Variants in AGAP1 observed in about 807,000 individuals in gnomAD.
AGAP1 encodes the protein ArfGAP with GTPase domain, ankyrin repeat and PH domain 1.
AGAP1 carries 29 observed loss-of-function variants against 105.3 expected under a neutral mutation model. That is an observed-to-expected ratio of 0.28 (90% CI 0.21 to 0.38). The LOEUF (loss-of-function observed/expected upper bound fraction) is 0.38. Among genes scored for constraint, AGAP1 ranks in the 10% least tolerant of loss-of-function variants. AGAP1 has a pLI of 1.00. For synonymous variants in AGAP1, 509 were observed against 485.9 expected, an observed-to-expected ratio of 1.05 and a Z score of -0.63; for missense variants, 998 against 1,165.1, an observed-to-expected ratio of 0.86 and a Z score of 2.09.
intron 16 of AGAP1, among the ~76,000 whole-genome samples, chr2:236,098,179 C>T (rs910297961): frequency 2.6e-5 from 4 of 152,140 alleles, no homozygotes; most frequent in South Asian, 2.1e-4. Flanking sequence ...TCCCTGCTTT[C>T]GATTCTTTTG....
intron 6 of AGAP1, among the ~76,000 whole-genome samples, chr2:235,784,089 AT>A (rs907087530): frequency 3.9e-5 from 6 of 152,014 alleles, no homozygotes; most frequent in Admixed American, 2.6e-4. Flanking sequence ...TCGCTTTCAA[AT>A]TTTTTTTGTA....
At chr2:235,978,940 G>A (rs1444430816) in intron 13 of AGAP1, among the ~76,000 whole-genome samples, 5 of 152,150 alleles carry the variant, frequency 3.3e-5, no homozygotes, top group Admixed American at 3.3e-4. Context: ...CACTGCTTCA[G>A]CTGCTTTGCA....
intron 3 of AGAP1, among the ~76,000 whole-genome samples, chr2:235,722,924 C>T (rs1951461176): frequency 6.6e-6 from 1 of 151,906 alleles, no homozygotes; most frequent in African/African-American, 2.4e-5. Flanking sequence ...ACACTAAAAA[C>T]TCATGTGTTA....
rs1947976956 is a variant in AGAP1 at position 235,662,102 on chromosome 2, G to T, written c.164-47077G>T. Among the ~76,000 whole-genome samples the T allele has an allele frequency of 6.6e-6, 1 of 152,284 alleles. No individual in the cohort carries two copies. Among genetic ancestry groups the T allele is most frequent in the South Asian group, 2.1e-4 (1 of 4,820 alleles). On this transcript the variant is annotated intron_variant, in intron 1 of 17. Coordinates refer to ENST00000304032, the MANE Select transcript of AGAP1 (RefSeq NM_001037131.3). This position sits in a 1 kb window ranked among gnomAD's most constrained non-coding sequence, Gnocchi z 4.2. ...GAAAAGACCATGGCGCTGAGGAGGCGGCACGGCCTGGCCCTCCACCTCCAA... is the reference window on the plus strand; with the variant it reads ...GAAAAGACCATGGCGCTGAGGAGGCTGCACGGCCTGGCCCTCCACCTCCAA...
chr2:235,789,718 A>G lies in AGAP1; in HGVS notation c.674-8041A>G, dbSNP rs967146015. Reference sequence around the variant, plus strand: ...ACTTTGATATACGCAAGGTAAGTCAACAAAGGATTACCACCCACCGAACCC... The same window carrying G: ...ACTTTGATATACGCAAGGTAAGTCAGCAAAGGATTACCACCCACCGAACCC... On this transcript the variant is annotated intron_variant, in intron 6 of 17. Coordinates refer to ENST00000304032, the MANE Select transcript of AGAP1 (RefSeq NM_001037131.3). This position sits in a 1 kb window ranked among gnomAD's most constrained non-coding sequence, Gnocchi z 4.2. 1.3e-5 allele frequency among the ~76,000 whole-genome samples: 2 copies of G among 152,206 alleles called. No individual in the cohort carries two copies.
Position 236,036,700 on chromosome 2 carries a change from G to C in AGAP1, c.1785G>C (p.Glu595Asp). ...TCCTGGCCAGCCTGCAGTCGTGCGA[G>C]AGCAGCAAGAACAAGGTGAGGCCCC... ...SQILASLQSC[E>D]SSKNKSRLTS... is the part of the protein sequence containing the mutation. The change falls in exon 14 of 18, where the codon GAG becomes GAC. Residue 595 changes from glutamate to aspartate, a missense_variant. Transcript: ENST00000304032. The surrounding 1 kb of genome is among the most constrained non-coding windows in gnomAD (Gnocchi z 5.7). The C allele has an allele frequency of 6.2e-7, 1 of 1,614,216 alleles. No homozygotes were observed. The highest frequency in any genetic ancestry group is 8.5e-7 in the Non-Finnish European group (1 of 1,180,050).
chr2:235,930,998 C>A lies in AGAP1; in HGVS notation c.1483+75C>A. The A allele has an allele frequency of 6.6e-7, 1 of 1,523,284 alleles. No homozygotes were observed. 94.4% of individuals were successfully genotyped at this position (1,523,284 alleles called of 1,614,324 possible). On this transcript the variant is annotated intron_variant, in intron 12 of 17. Coordinates refer to ENST00000304032, the MANE Select transcript of AGAP1 (RefSeq NM_001037131.3). This position sits in a 1 kb window ranked among gnomAD's most constrained non-coding sequence, Gnocchi z 7.9. The stretch of plus-strand genomic sequence containing the variant: ...GTTGTAAGCCAGGGGCTGGACAGGA[C>A]GCCCTAAGCTCTCATGCTCCTCTGG...
At chr2:235,507,259 A>T (rs898184210) in intron 1 of AGAP1, 9 of 152,418 alleles carry the variant, frequency 5.9e-5, no homozygotes, top group African/African-American at 2.2e-4. Flanking sequence ...TTTTATGAAG[A>T]CGTTAGTTAT....
At position 235,866,305 on chromosome 2, in the gene AGAP1, C is replaced by T. The variant is rs1416002366; in HGVS notation, c.1051-17040C>T. ...ATCTGGGAGCCCGAGCCGACTCAGA[C>T]AGTCCTGACTCCCCAGAATTCCCAC... On this transcript the variant is annotated intron_variant, in intron 9 of 17. Transcript: ENST00000304032. The surrounding 1 kb of genome is among the most constrained non-coding windows in gnomAD (Gnocchi z 6.1). 6.6e-6 allele frequency among the ~76,000 whole-genome samples: 1 copy of T among 152,188 alleles called. No individual in the cohort carries two copies. The highest frequency in any genetic ancestry group is 1.9e-4 in the East Asian group (1 of 5,188).
intron 9 of AGAP1, among the ~76,000 whole-genome samples, chr2:235,848,177 G>T (rs895645547): frequency 1.1e-4 from 17 of 152,146 alleles, no homozygotes; most frequent in Non-Finnish European, 2.4e-4. Flanking sequence ...CCCACTCCAG[G>T]TTAAGGTCCC....
intron 9 of AGAP1, among the ~76,000 whole-genome samples, chr2:235,839,342 G>A (rs1051562855): frequency 1.3e-5 from 2 of 152,214 alleles, no homozygotes; most frequent in African/African-American, 2.4e-5. Context: ...CACACACTCC[G>A]TCCACGGAGG....
chr2:235,870,906 G>C (rs1489822974), intron 9 of AGAP1, among the ~76,000 whole-genome samples: 1 of 152,184 alleles, frequency 6.6e-6, no homozygotes, highest in Admixed American at 6.5e-5. Flanking sequence ...AACTTTCTCT[G>C]TGCATTTTAA....
chr2:235,862,438 G>A (rs980527217), intron 9 of AGAP1, among the ~76,000 whole-genome samples: 2 of 152,186 alleles, frequency 1.3e-5, no homozygotes, highest in Non-Finnish European at 2.9e-5. Context: ...GGAGATCAGG[G>A]CCAGATGTAG....
rs1163390196 is a variant in AGAP1 at position 235,620,573 on chromosome 2, T to C, written c.164-88606T>C. 2.0e-5 allele frequency among the ~76,000 whole-genome samples: 3 copies of C among 152,180 alleles called. No individual in the cohort carries two copies. The highest frequency in any genetic ancestry group is 2.9e-5 in the Non-Finnish European group (2 of 68,032). ...TCCTTCAGCCTCACCTCCAGTGTCA[T>C]TGAGGACCCTCCGTGGCACCTGGCC... On this transcript the variant is annotated intron_variant, in intron 1 of 17. Coordinates refer to ENST00000304032, the MANE Select transcript of AGAP1 (RefSeq NM_001037131.3). This position sits in a 1 kb window ranked among gnomAD's most constrained non-coding sequence, Gnocchi z 4.5.
At chr2:235,619,564 A>G (rs906538805) in intron 1 of AGAP1, among the ~76,000 whole-genome samples, 1 of 151,900 alleles carries the variant, frequency 6.6e-6, no homozygotes, top group Admixed American at 6.6e-5. Context: ...GAGCTGGTCA[A>G]TCCTGGGGCT....
chr2:235,531,431 C>A (rs1943041032), intron 1 of AGAP1, among the ~76,000 whole-genome samples: 1 of 152,138 alleles, frequency 6.6e-6, no homozygotes, highest in South Asian at 2.1e-4. Context: ...GGCTGCCTGT[C>A]CTCATCTCTG....
At position 236,123,814 on chromosome 2, in the gene AGAP1, G is replaced by T; in HGVS notation, c.2371-105G>T. 1 of 1,405,066 alleles carries T rather than the reference G, an allele frequency of 7.1e-7. No homozygotes were observed. Among genetic ancestry groups the T allele is most frequent in the South Asian group, 1.3e-5 (1 of 76,316 alleles). The allele number at this position is 1,405,066 out of a possible 1,614,324, so 87.0% of individuals were successfully genotyped here. ...CCCAGCCAGTTGTGTAGCTGGCCCCGCTGTCCAAGCACAAGCCACATGCAA... is the reference window on the plus strand; with the variant it reads ...CCCAGCCAGTTGTGTAGCTGGCCCCTCTGTCCAAGCACAAGCCACATGCAA... On this transcript the variant is annotated intron_variant, in intron 17 of 17. Coordinates refer to ENST00000304032, the MANE Select transcript of AGAP1 (RefSeq NM_001037131.3). The surrounding 1 kb of genome is among the most constrained non-coding windows in gnomAD (Gnocchi z 4.6).
rs1451522293 is a variant in AGAP1 at position 235,855,539 on chromosome 2, A to T, written c.1051-27806A>T. ...ATAAAAGTTGAGTTATAGTAAATTT[A>T]AAATCGAGCAATTTCTGCTTTAAAT... On this transcript the variant is annotated intron_variant, in intron 9 of 17. Coordinates refer to ENST00000304032, the MANE Select transcript of AGAP1 (RefSeq NM_001037131.3). This position sits in a 1 kb window ranked among gnomAD's most constrained non-coding sequence, Gnocchi z 5.0. Among the ~76,000 whole-genome samples, 1 of 152,246 alleles carries T rather than the reference A, an allele frequency of 6.6e-6. No homozygotes were observed. Among genetic ancestry groups the T allele is most frequent in the Non-Finnish European group, 1.5e-5 (1 of 68,040 alleles).
At position 235,807,261 on chromosome 2, in the gene AGAP1, A is replaced by C. The variant is rs1957884931; in HGVS notation, c.980A>C (p.Asp327Ala). ...LFTSRKGSDP[D>A]KEKKGLESRA... Reference sequence around the variant, plus strand: ...CAGTCTCGGAAAGGGAGCGACCCAGACAAAGAGAAGAAAGGCCTGGAGAGT... The same window carrying C: ...CAGTCTCGGAAAGGGAGCGACCCAGCCAAAGAGAAGAAAGGCCTGGAGAGT... The change falls in exon 9 of 18, where the codon GAC (aspartate) becomes GCC (alanine). Residue 327 changes from aspartate (D) to alanine (A), a missense_variant. Asp to Ala is a moderately radical substitution (Grantham distance 126). Transcript: ENST00000304032. 2 of 1,610,302 alleles carry C rather than the reference A, an allele frequency of 1.2e-6. No homozygotes were observed. The highest frequency in any genetic ancestry group is 1.7e-6 in the Non-Finnish European group (2 of 1,179,066).
Sources: allele counts gnomAD v4.1 joint callset (sites outside exome capture counted in the v4.1 genomes callset), GRCh38; gene constraint gnomAD v4.1.1; non-coding constraint Gnocchi (gnomAD v3.1); transcripts MANE v1.5; gene names NCBI Gene and HGNC (gene_info 2026-07-23, HGNC 2026-07-21).